Variants in GTF2IRD2B observed in about 807,000 individuals in gnomAD.
GTF2IRD2B encodes the protein general transcription factor II-I repeat domain-containing protein 2B.
In GTF2IRD2B, 10 loss-of-function variants were observed where a neutral mutation model predicts 55.6. The ratio of observed to expected loss-of-function variants is 0.18; its 90% CI spans 0.11 to 0.31. The LOEUF (loss-of-function observed/expected upper bound fraction) is 0.31, where lower values mean the gene tolerates loss of function less well. Among genes scored for constraint, GTF2IRD2B ranks in the 10% least tolerant of loss-of-function variants. The pLI, the probability that GTF2IRD2B is intolerant of heterozygous loss-of-function variation, is 1.00. For synonymous variants in GTF2IRD2B, 107 were observed against 320.5 expected (o/e 0.33, Z 7.12); for missense variants, 206 against 802.7 (o/e 0.26, Z 8.98).
rs1374621265 is a variant in GTF2IRD2B at position 75,149,630 on chromosome 7, G to C, written c.*333G>C. Reference sequence around the variant, plus strand: ...TGACCTCAGGTGATCCACCTGCCTCGACCTCACAAAGTGCTGGGATTACAG... The same window carrying C: ...TGACCTCAGGTGATCCACCTGCCTCCACCTCACAAAGTGCTGGGATTACAG... On this transcript the variant is annotated 3_prime_UTR_variant, in exon 16 of 16. Transcript: ENST00000472837. The C allele has an allele frequency of 2.9e-6, 1 of 340,316 alleles. No homozygotes were observed. Among genetic ancestry groups the C allele is most frequent in the Non-Finnish European group, 5.8e-6 (1 of 173,894 alleles). 21.1% of individuals were successfully genotyped at this position (340,316 alleles called of 1,614,324 possible). A position where few individuals can be genotyped will look rare whatever the true frequency, so the allele number is the denominator to read the frequency against.
At chr7:75,121,572 C>G (rs1195155944) in intron 4 of GTF2IRD2B, among the ~76,000 whole-genome samples, 1 of 142,864 alleles carries the variant, frequency 7.0e-6, no homozygotes, top group African/African-American at 2.5e-5. Context: ...GATTCTCCCA[C>G]CCCAGCCTCC....
At chr7:75,093,936 G>GA (rs1252573695) in intron 1 of GTF2IRD2B, 1 of 91,524 alleles carries the variant, frequency 1.1e-5, no homozygotes, top group Non-Finnish European at 2.2e-5. Flanking sequence ...CTGGTAATTT[G>GA]AAGTAAGCAG....
chr7:75,116,904 C>G (rs1808177936), intron 3 of GTF2IRD2B, among the ~76,000 whole-genome samples: 1 of 151,536 alleles, frequency 6.6e-6, no homozygotes, highest in Non-Finnish European at 1.5e-5. Context: ...CTCCGCCTCC[C>G]AAAGTGCTGG....
chr7:75,115,733 C>G (rs1808126571), intron 3 of GTF2IRD2B, among the ~76,000 whole-genome samples: 2 of 149,568 alleles, frequency 1.3e-5, no homozygotes, highest in African/African-American at 4.9e-5. Flanking sequence ...GCGCCCAGCC[C>G]CATGTGAATT....
In GTF2IRD2B at chr7:75,092,701, G is replaced by C. The variant is rs71231014; in HGVS notation, c.-70G>C. On this transcript the variant is annotated 5_prime_UTR_variant, in exon 1 of 16. Coordinates refer to ENST00000472837, the MANE Select transcript of GTF2IRD2B (RefSeq NM_001003795.3). ...CTCCCGGCCGCCGCCCTCGGCCATCGGCTGCTCCCCGGTGGCCCAGGCCTC... is the reference window on the plus strand; with the variant it reads ...CTCCCGGCCGCCGCCCTCGGCCATCCGCTGCTCCCCGGTGGCCCAGGCCTC... 14,076 of 150,622 alleles carry C rather than the reference G, an allele frequency of 0.093. 30 individuals carry two copies. Among genetic ancestry groups the C allele is most frequent in the Middle Eastern group, 0.24 (69 of 288 alleles). The allele number at this position is 150,622 out of a possible 1,614,324, so 9.3% of individuals were successfully genotyped here. A position where few individuals can be genotyped will look rare whatever the true frequency, so the allele number is the denominator to read the frequency against.
rs1554454534 is a variant in GTF2IRD2B, at chr7:75,148,211, T to C, written c.1764T>C (p.Gly588=). ...EELLDTVPMT[G]TKSGNEIFLR... is the part of the protein sequence containing the mutation. ...TTCTGGACACGGTGCCCATGACGGGTACAAAATCTGGCAACGAGATCTTTT... is the reference window on the plus strand; with the variant it reads ...TTCTGGACACGGTGCCCATGACGGGCACAAAATCTGGCAACGAGATCTTTT... The change falls in exon 16 of 16, where the codon GGT becomes GGC. Residue 588 remains glycine (G), a synonymous_variant. Transcript: ENST00000472837. 1 of 1,613,738 alleles carries C rather than the reference T, an allele frequency of 6.2e-7. No individual in the cohort carries two copies. Among genetic ancestry groups the C allele is most frequent in the South Asian group, 1.1e-5 (1 of 91,054 alleles).
intron 1 of GTF2IRD2B, among the ~76,000 whole-genome samples, chr7:75,103,106 C>T (rs1441664892): frequency 7.9e-5 from 12 of 151,884 alleles, no homozygotes; most frequent in African/African-American, 2.9e-4. Context: ...GGTGAAACCC[C>T]GTCTCTACTA....
chr7:75,105,862 T>G (rs1258820963), intron 1 of GTF2IRD2B, among the ~76,000 whole-genome samples: 154 of 152,342 alleles, frequency 1.0e-3, no homozygotes, highest in Admixed American at 8.9e-3. Flanking sequence ...GCTGTGAGTC[T>G]GTTTCACGTT....
chr7:75,104,784 G>A (rs1304219575), intron 1 of GTF2IRD2B, among the ~76,000 whole-genome samples: 1 of 152,290 alleles, frequency 6.6e-6, no homozygotes, highest in East Asian at 1.9e-4. Flanking sequence ...TAGGACCTAC[G>A]CGTCTCATGG....
At chr7:75,135,389 C>T (rs1181560412) in intron 10 of GTF2IRD2B, among the ~76,000 whole-genome samples, 2 of 151,734 alleles carry the variant, frequency 1.3e-5, no homozygotes, top group African/African-American at 4.9e-5. Context: ...CCACCTCTGC[C>T]TCCCATAGTG....
chr7:75,123,140 A>C lies in GTF2IRD2B; in HGVS notation c.363A>C (p.Lys121Asn). 1 of 1,510,968 alleles carries C rather than the reference A, an allele frequency of 6.6e-7. No homozygotes were observed. Among genetic ancestry groups the C allele is most frequent in the Non-Finnish European group, 8.9e-7 (1 of 1,129,000 alleles). 93.6% of individuals were successfully genotyped at this position (1,510,968 alleles called of 1,614,324 possible). ...GACGTTTGCGTCTTCTTGTAGGTAAAGCCTTAGGGACAACAGTGATGGTGC... is the reference window on the plus strand; with the variant it reads ...GACGTTTGCGTCTTCTTGTAGGTAACGCCTTAGGGACAACAGTGATGGTGC... Reference protein sequence around the residue: ...VEDYFCFCYGKALGTTVMVPV... With the variant: ...VEDYFCFCYGNALGTTVMVPV... Residue 121 changes from lysine (K) to asparagine (N), a missense_variant, in exon 5 of 16, where the codon AAA (lysine) becomes AAC (asparagine). By Grantham distance (94) the Lys-to-Asn change is moderately conservative. Transcript: ENST00000472837.
intron 4 of GTF2IRD2B, among the ~76,000 whole-genome samples, chr7:75,121,752 C>G (rs1808377253): frequency 6.7e-6 from 1 of 150,158 alleles, no homozygotes; most frequent in Admixed American, 6.7e-5. Flanking sequence ...AGCCGCCGTG[C>G]CTGGCCACCA....
intron 8 of GTF2IRD2B, among the ~76,000 whole-genome samples, chr7:75,130,145 CT>C: frequency 3.8e-5 from 4 of 105,428 alleles, no homozygotes; most frequent in Admixed American, 2.1e-4. Context: ...TTCTTTCTTT[CT>C]TTCCTTCTTT....
chr7:75,118,383 C>T (rs1229655070), intron 3 of GTF2IRD2B, among the ~76,000 whole-genome samples: 2 of 151,256 alleles, frequency 1.3e-5, no homozygotes, highest in Non-Finnish European at 2.9e-5. Flanking sequence ...CCAGCCACCA[C>T]ATGGACAACC....
rs377636176 is a variant in GTF2IRD2B, at chr7:75,123,078, A to C, written c.359-58A>C. On this transcript the variant is annotated intron_variant, in intron 4 of 15. Coordinates refer to ENST00000472837, the MANE Select transcript of GTF2IRD2B (RefSeq NM_001003795.3). ...AAAACAAAAAACAAAAAACAAAAAAAAAAAACTGGTAGAACGTTAGGTTCA... is the reference window on the plus strand; with the variant it reads ...AAAACAAAAAACAAAAAACAAAAAACAAAAACTGGTAGAACGTTAGGTTCA... 1.1e-4 allele frequency: 176 copies of C among 1,567,250 alleles called. 3 individuals carry two copies. Among genetic ancestry groups the C allele is most frequent in the South Asian group, 4.4e-4 (37 of 84,312 alleles).
chr7:75,117,975 C>T (rs1184911778), intron 3 of GTF2IRD2B, among the ~76,000 whole-genome samples: 2 of 146,008 alleles, frequency 1.4e-5, no homozygotes, highest in African/African-American at 5.1e-5. Context: ...CCCAGCTACT[C>T]GGGAGGCTGA....
At position 75,115,414 on chromosome 7, in the gene GTF2IRD2B, A is replaced by G. The variant is rs587655511; in HGVS notation, c.238+2879A>G. 1.8e-4 allele frequency among the ~76,000 whole-genome samples: 27 copies of G among 150,436 alleles called. 2 individuals are homozygous for G. Among genetic ancestry groups the G allele is most frequent in the African/African-American group, 5.6e-4 (23 of 41,032 alleles). On this transcript the variant is annotated intron_variant, in intron 3 of 15. Coordinates refer to ENST00000472837, the MANE Select transcript of GTF2IRD2B (RefSeq NM_001003795.3). ...TATTCAGAGTCCCTTGGTGTTCCAT[A>G]TGAATTTTTTTTTATTTTTTTTTTT...
At chr7:75,119,246 C>CT (rs1184954527) in intron 3 of GTF2IRD2B, among the ~76,000 whole-genome samples, 3 of 55,566 alleles carry the variant, frequency 5.4e-5, no homozygotes, top group African/African-American at 1.3e-4. Context: ...GAAATGATGT[C>CT]TTTTGCAGCA....
intron 3 of GTF2IRD2B, among the ~76,000 whole-genome samples, chr7:75,119,191 C>CAAAAAAAAAAAAAAAAAAAAAAAAAAAAA (rs71229657): frequency 2.0e-4 from 1 of 5,128 alleles, no homozygotes; most frequent in African/African-American, 1.5e-3. Flanking sequence ...AAGACTCTCT[C>CAAAAAAAAAAAAAAAAAAAAAAAAAAAAA]AAAAAAAAAA....
Sources: allele counts gnomAD v4.1 joint callset (sites outside exome capture counted in the v4.1 genomes callset), GRCh38; gene constraint gnomAD v4.1.1; transcripts MANE v1.5; gene names NCBI Gene and HGNC (gene_info 2026-07-23, HGNC 2026-07-21).